Variants in ADAMTS12 observed in about 807,000 individuals in gnomAD.
ADAMTS12 encodes the protein A disintegrin and metalloproteinase with thrombospondin motifs 12.
A neutral mutation model predicts 167.8 loss-of-function variants in ADAMTS12; 118 were observed. The ratio of observed to expected loss-of-function variants is 0.70; its 90% CI spans 0.61 to 0.82. ADAMTS12 has a LOEUF of 0.82. Among genes scored for constraint, ADAMTS12 ranks in the 40% least tolerant of loss-of-function variants. ADAMTS12 has a pLI of 0.00. For missense variants in ADAMTS12, 1,916 were observed against 1,998.8 expected, an observed-to-expected ratio of 0.96 and a Z score of 0.79; for synonymous variants, 704 against 716.9, an observed-to-expected ratio of 0.98 and a Z score of 0.29.
intron 5 of ADAMTS12, among the ~76,000 whole-genome samples, chr5:33,675,649 T>C (rs10052864): frequency 0.083 from 12,559 of 152,170 alleles, 972 homozygotes; most frequent in African/African-American, 0.21. Flanking sequence ...ATCTGCAATA[T>C]GTGACATTTA....
chr5:33,728,931 T>C (rs917108500), intron 3 of ADAMTS12, among the ~76,000 whole-genome samples: 1 of 152,262 alleles, frequency 6.6e-6, no homozygotes, highest in Non-Finnish European at 1.5e-5. Context: ...TATGTGTATA[T>C]GTACATGATA....
At chr5:33,615,312 T>C (rs900359570) in intron 15 of ADAMTS12, among the ~76,000 whole-genome samples, 1 of 152,250 alleles carries the variant, frequency 6.6e-6, no homozygotes, top group Non-Finnish European at 1.5e-5. Context: ...TCTCTCATCC[T>C]CAATCTGCCT....
chr5:33,689,338 A>T (rs980929726), intron 3 of ADAMTS12, among the ~76,000 whole-genome samples: 1 of 151,994 alleles, frequency 6.6e-6, no homozygotes, highest in Non-Finnish European at 1.5e-5. Context: ...ACTTAGTGGC[A>T]TGGAGATGGG....
At chr5:33,675,480 T>C (rs79206424) in intron 5 of ADAMTS12, among the ~76,000 whole-genome samples, 1,872 of 152,300 alleles carry the variant, frequency 0.012, 38 homozygotes, top group African/African-American at 0.043. Flanking sequence ...TAGTCATTGA[T>C]GAAGAGAAAA....
intron 3 of ADAMTS12, among the ~76,000 whole-genome samples, chr5:33,741,872 T>G (rs548610085): frequency 2.7e-4 from 41 of 152,234 alleles, no homozygotes; most frequent in African/African-American, 9.6e-4. Flanking sequence ...GTGATCCACC[T>G]GCCTCAGCCT....
chr5:33,546,057 A>G lies in ADAMTS12; in HGVS notation c.4446+2T>C, dbSNP rs761180019. ...AAAAAAGTATGTATAACCAAGTCTT[A>G]CCAGGTCCCAGTTCCCAGTGGCCCA... On this transcript the variant is annotated splice_donor_variant, in intron 22 of 23. Coordinates refer to ENST00000504830, the MANE Select transcript of ADAMTS12 (RefSeq NM_030955.4). LOFTEE classifies it high-confidence loss of function. 1 of 1,607,760 alleles carries G rather than the reference A, an allele frequency of 6.2e-7. No homozygotes were observed. The highest frequency in any genetic ancestry group is 1.1e-5 in the South Asian group (1 of 89,306).
intron 17 of ADAMTS12, among the ~76,000 whole-genome samples, chr5:33,594,895 A>T (rs185012305): frequency 7.2e-5 from 11 of 152,298 alleles, no homozygotes; most frequent in Middle Eastern, 3.4e-3. Context: ...GATATTTATC[A>T]CATTCTAGCT....
intron 17 of ADAMTS12, among the ~76,000 whole-genome samples, chr5:33,590,728 G>A (rs1466893843): frequency 9.2e-5 from 14 of 152,118 alleles, no homozygotes; most frequent in African/African-American, 1.7e-4. Context: ...ATCCTGCCGC[G>A]GCCTCGCAAA....
intron 2 of ADAMTS12, among the ~76,000 whole-genome samples, chr5:33,834,349 C>G (rs1394979879): frequency 1.3e-5 from 2 of 152,098 alleles, no homozygotes; most frequent in Non-Finnish European, 2.9e-5. Context: ...TCATTTTCCT[C>G]TTTGGTAGTT....
intron 19 of ADAMTS12, among the ~76,000 whole-genome samples, chr5:33,562,551 G>A (rs1036695338): frequency 6.6e-6 from 1 of 151,506 alleles, no homozygotes; most frequent in Non-Finnish European, 1.5e-5. Context: ...TTCCATCTAT[G>A]ACATGCTTGA....
intron 11 of ADAMTS12, among the ~76,000 whole-genome samples, chr5:33,639,201 C>A (rs1740339046): frequency 6.6e-6 from 1 of 152,160 alleles, no homozygotes; most frequent in Non-Finnish European, 1.5e-5. Flanking sequence ...AGATCAATAA[C>A]TGAGAGCATT....
chr5:33,646,738 A>T (rs75153513), intron 9 of ADAMTS12, among the ~76,000 whole-genome samples: 1 of 151,700 alleles, frequency 6.6e-6, no homozygotes, highest in African/African-American at 2.4e-5. Context: ...GTAATATGTT[A>T]AAAAAACCCC....
intron 1 of ADAMTS12, among the ~76,000 whole-genome samples, chr5:33,883,835 T>C (rs1750545128): frequency 6.6e-6 from 1 of 152,200 alleles, no homozygotes; most frequent in South Asian, 2.1e-4. Flanking sequence ...CTCTCTCCTG[T>C]CCACTCACTC....
At chr5:33,568,255 A>G (rs545652643) in intron 19 of ADAMTS12, among the ~76,000 whole-genome samples, 1 of 152,316 alleles carries the variant, frequency 6.6e-6, no homozygotes, top group African/African-American at 2.4e-5. Flanking sequence ...CTCTAAATGG[A>G]GATAAGATGA....
intron 2 of ADAMTS12, among the ~76,000 whole-genome samples, chr5:33,871,780 T>G (rs1750045675): frequency 6.6e-6 from 1 of 152,018 alleles, no homozygotes; most frequent in Non-Finnish European, 1.5e-5. Flanking sequence ...ATATCAGAAA[T>G]GAAAGATGGG....
chr5:33,824,990 C>A (rs1748007050), intron 2 of ADAMTS12, among the ~76,000 whole-genome samples: 1 of 152,114 alleles, frequency 6.6e-6, no homozygotes, highest in African/African-American at 2.4e-5. Flanking sequence ...TGGAGGGGAG[C>A]CATCCCACTA....
intron 3 of ADAMTS12, among the ~76,000 whole-genome samples, chr5:33,698,939 C>T (rs1240403893): frequency 6.6e-6 from 1 of 152,130 alleles, no homozygotes; most frequent in African/African-American, 2.4e-5. Flanking sequence ...GGTGGATCAC[C>T]TGAGGTCAGG....
intron 12 of ADAMTS12, among the ~76,000 whole-genome samples, chr5:33,634,168 G>C (rs938319940): frequency 1.3e-5 from 2 of 152,134 alleles, no homozygotes; most frequent in Non-Finnish European, 2.9e-5. Flanking sequence ...GTAAGGAAAA[G>C]TTTTGATGCA....
chr5:33,677,935 A>G (rs984081079), intron 5 of ADAMTS12, among the ~76,000 whole-genome samples: 1 of 152,208 alleles, frequency 6.6e-6, no homozygotes, highest in African/African-American at 2.4e-5. Flanking sequence ...TGGTCTTTAG[A>G]TGGTGGTAAC....
Sources: allele counts gnomAD v4.1 joint callset (sites outside exome capture counted in the v4.1 genomes callset), GRCh38; gene constraint gnomAD v4.1.1; transcripts MANE v1.5; gene names NCBI Gene and HGNC (gene_info 2026-07-23, HGNC 2026-07-21).